Variants in FRMD4A observed in about 807,000 individuals in gnomAD.
FRMD4A encodes the protein FERM domain-containing protein 4A.
In FRMD4A, 29 loss-of-function variants were observed where a neutral mutation model predicts 129.1. That is an observed-to-expected ratio of 0.22 (90% CI 0.17 to 0.31). FRMD4A has a LOEUF of 0.31. Among genes scored for constraint, FRMD4A ranks in the 10% least tolerant of loss-of-function variants. The pLI, the probability that FRMD4A is intolerant of heterozygous loss-of-function variation, is 1.00. For synonymous variants in FRMD4A, 634 were observed against 571.6 expected (o/e 1.11, Z -1.56); for missense variants, 1,272 against 1,375.8 (o/e 0.92, Z 1.19).
At chr10:14,284,310 G>C (rs571478391) in intron 2 of FRMD4A, among the ~76,000 whole-genome samples, 86 of 152,294 alleles carry the variant, frequency 5.6e-4, no homozygotes, top group Non-Finnish European at 2.6e-4. Context: ...TCTAGATAGT[G>C]ATGGTGGTAA....
At chr10:13,742,673 C>T (rs775130391) in intron 9 of FRMD4A, among the ~76,000 whole-genome samples, 1 of 152,134 alleles carries the variant, frequency 6.6e-6, no homozygotes, top group Non-Finnish European at 1.5e-5. Flanking sequence ...TGCACCACCA[C>T]GCCTGGCTAA....
rs2093632756 is a variant in FRMD4A, at chr10:13,821,762, C to T, written c.112-10854G>A. On this transcript the variant is annotated intron_variant, in intron 3 of 24. Transcript: ENST00000357447. The surrounding 1 kb of genome is among the most constrained non-coding windows in gnomAD (Gnocchi z 4.3). ...CGGCACACAGGTGGGCATGGGTCACCCAGGATTATAGGAAGAGCCAGAGAG... is the reference window on the plus strand; with the variant it reads ...CGGCACACAGGTGGGCATGGGTCACTCAGGATTATAGGAAGAGCCAGAGAG... 6.6e-6 allele frequency among the ~76,000 whole-genome samples: 1 copy of T among 152,080 alleles called. No homozygotes were observed. The highest frequency in any genetic ancestry group is 2.4e-5 in the African/African-American group (1 of 41,388).
chr10:14,221,597 T>C (rs1187570460), intron 2 of FRMD4A, among the ~76,000 whole-genome samples: 1 of 152,196 alleles, frequency 6.6e-6, no homozygotes, highest in African/African-American at 2.4e-5. Context: ...TCTTGCTCTG[T>C]TGCCCAGGCT....
At chr10:13,845,848 G>A (rs1589000828) in intron 3 of FRMD4A, among the ~76,000 whole-genome samples, 1 of 152,178 alleles carries the variant, frequency 6.6e-6, no homozygotes, top group African/African-American at 2.4e-5. Context: ...CCAAGGTCAC[G>A]AAGCTGTCAA....
rs541807083 is a variant in FRMD4A, at chr10:14,281,346, T to C, written c.45+48712A>G. 2.6e-5 allele frequency among the ~76,000 whole-genome samples: 4 copies of C among 152,312 alleles called. No homozygotes were observed. The South Asian group carries it at 8.3e-4, about 32-fold the overall frequency. ...GCACAGACTGGTACAGCAGGAAGAC[T>C]ACATAAAGACACAGGGAAGACAGCC... On this transcript the variant is annotated intron_variant, in intron 2 of 24. Transcript: ENST00000357447.
chr10:13,649,933 T>C (rs998154118), intron 24 of FRMD4A, among the ~76,000 whole-genome samples: 4 of 152,158 alleles, frequency 2.6e-5, no homozygotes, highest in Non-Finnish European at 5.9e-5. Flanking sequence ...AAGATCTAGG[T>C]GTGCTCTCTC....
chr10:13,812,791 G>A (rs994024166), intron 3 of FRMD4A, among the ~76,000 whole-genome samples: 2 of 152,166 alleles, frequency 1.3e-5, no homozygotes, highest in Non-Finnish European at 2.9e-5. Flanking sequence ...AGAACCCAAC[G>A]TGATAAATCA....
intron 2 of FRMD4A, among the ~76,000 whole-genome samples, chr10:13,886,632 GC>G (rs566367541): frequency 1.2e-3 from 177 of 152,148 alleles, no homozygotes; most frequent in Admixed American, 2.3e-3. Context: ...CCAGGCTGGA[GC>G]GCAATGGTGC....
intron 9 of FRMD4A, chr10:13,744,416 G>C (rs1588523017): frequency 6.6e-6 from 1 of 152,162 alleles, no homozygotes; most frequent in South Asian, 2.1e-4. Context: ...TAGCAGAAAG[G>C]CTTCTTGCAC....
intron 15 of FRMD4A, among the ~76,000 whole-genome samples, chr10:13,675,272 AAAG>A (rs2083879816): frequency 1.3e-5 from 2 of 152,256 alleles, no homozygotes; most frequent in Admixed American, 1.3e-4. Flanking sequence ...CCCTCCTGAA[AAAG>A]AAGTTTATCT....
intron 2 of FRMD4A, among the ~76,000 whole-genome samples, chr10:14,125,496 T>C (rs986080967): frequency 1.3e-5 from 2 of 152,152 alleles, no homozygotes; most frequent in African/African-American, 4.8e-5. Flanking sequence ...AGAAGCTTGC[T>C]GGATGACCTC....
chr10:13,755,033 T>C (rs2091799500), intron 8 of FRMD4A, among the ~76,000 whole-genome samples: 1 of 152,208 alleles, frequency 6.6e-6, no homozygotes, highest in Non-Finnish European at 1.5e-5. Flanking sequence ...ATGATATTGG[T>C]ATACTAGGAA....
chr10:13,879,185 A>G (rs2094520980), intron 2 of FRMD4A, among the ~76,000 whole-genome samples: 1 of 152,142 alleles, frequency 6.6e-6, no homozygotes, highest in Non-Finnish European at 1.5e-5. Flanking sequence ...GATTGCTTGA[A>G]GCCAAGAGTT....
At chr10:13,903,385 T>G (rs1040739177) in intron 2 of FRMD4A, among the ~76,000 whole-genome samples, 14 of 152,190 alleles carry the variant, frequency 9.2e-5, no homozygotes, top group African/African-American at 3.4e-4. Context: ...GGCTTTTTGC[T>G]AAATCTCCTG....
At chr10:13,655,817 G>C (rs914103373) in intron 22 of FRMD4A, 2 of 152,086 alleles carry the variant, frequency 1.3e-5, no homozygotes, top group East Asian at 1.9e-4. Context: ...CTTCTCCTCA[G>C]TGTCCCTCTC....
Position 13,828,728 on chromosome 10 carries a change from C to T in FRMD4A, c.112-17820G>A, listed in dbSNP as rs2093742888. Reference sequence around the variant, plus strand: ...TGTATTTTTAGTAGAGACAGGGTTTCTCCATGTTGGTCAGGCTGCTCTTGA... The same window carrying T: ...TGTATTTTTAGTAGAGACAGGGTTTTTCCATGTTGGTCAGGCTGCTCTTGA... On this transcript the variant is annotated intron_variant, in intron 3 of 24. Coordinates refer to ENST00000357447, the MANE Select transcript of FRMD4A (RefSeq NM_018027.5). Among the ~76,000 whole-genome samples the T allele has an allele frequency of 2.6e-5, 4 of 152,234 alleles. No individual in the cohort carries two copies. In the South Asian group the frequency reaches 8.3e-4, roughly 32 times the overall value.
chr10:14,231,579 C>T (rs11258958), intron 2 of FRMD4A, among the ~76,000 whole-genome samples: 59,500 of 152,050 alleles, frequency 0.39, 12,524 homozygotes, highest in Non-Finnish European at 0.46. Context: ...ATCTCCTGAC[C>T]TTTTGATCCG....
intron 2 of FRMD4A, among the ~76,000 whole-genome samples, chr10:13,943,082 G>A (rs534902170): frequency 2.0e-5 from 3 of 152,278 alleles, no homozygotes; most frequent in South Asian, 4.1e-4. Flanking sequence ...CTAAAACTGC[G>A]AGTTATACAT....
intron 2 of FRMD4A, among the ~76,000 whole-genome samples, chr10:13,879,110 T>C (rs78196908): frequency 0.015 from 2,318 of 152,298 alleles, 54 homozygotes; most frequent in African/African-American, 0.052. Flanking sequence ...TTATTGTATG[T>C]CAATGATATA....
Sources: gnomAD v4.1 joint callset for allele counts (sites outside exome capture counted in the v4.1 genomes callset) on GRCh38, gnomAD v4.1.1 for gene constraint, Gnocchi (gnomAD v3.1) non-coding constraint, MANE v1.5 for transcripts, NCBI Gene and HGNC (gene_info 2026-07-23, HGNC 2026-07-21) for gene names.